WDR7: variants seen among roughly 807,000 people sequenced by gnomAD.
WDR7 encodes WD repeat-containing protein 7.
WDR7 carries 46 observed loss-of-function variants against 169.4 expected under a neutral mutation model. That is an observed-to-expected ratio of 0.27 (90% CI 0.21 to 0.35). WDR7 has a LOEUF of 0.35. WDR7 is among the 10% of genes least tolerant of loss of function. The probability of loss-of-function intolerance (pLI) is 1.00; values close to 1 mark genes in which losing one functional copy is unlikely to be tolerated. For synonymous variants in WDR7, 612 were observed against 666.8 expected, an observed-to-expected ratio of 0.92 and a Z score of 1.27; for missense variants, 1,534 against 1,859.3, an observed-to-expected ratio of 0.83 and a Z score of 3.22.
intron 25 of WDR7, among the ~76,000 whole-genome samples, chr18:56,953,312 A>G (rs1398739275): frequency 3.3e-5 from 5 of 152,240 alleles, no homozygotes; most frequent in Non-Finnish European, 7.3e-5. Flanking sequence ...TTATAACACT[A>G]TATGGTGTTT....
chr18:56,794,685 A>G (rs1443433641), intron 19 of WDR7, among the ~76,000 whole-genome samples: 2 of 152,164 alleles, frequency 1.3e-5, no homozygotes, highest in African/African-American at 2.4e-5. Flanking sequence ...ATTTGTTAAT[A>G]TTATTCAGTA....
At chr18:56,820,351 A>AAC (rs1483488637) in intron 20 of WDR7, among the ~76,000 whole-genome samples, 2 of 145,658 alleles carry the variant, frequency 1.4e-5, no homozygotes, top group Admixed American at 6.9e-5. Context: ...AAAAAAAAAA[A>AAC]AAAAAAAAAA....
chr18:57,026,803 T>C (rs1399759665), intron 27 of WDR7, among the ~76,000 whole-genome samples: 1 of 152,218 alleles, frequency 6.6e-6, no homozygotes, highest in African/African-American at 2.4e-5. Flanking sequence ...AAAATTCCTC[T>C]AGATTTCTGC....
intron 7 of WDR7, among the ~76,000 whole-genome samples, chr18:56,687,915 A>C (rs1041864533): frequency 2.6e-5 from 4 of 152,212 alleles, no homozygotes. Flanking sequence ...AGCATGAGCC[A>C]CCATTCCTGG....
intron 1 of WDR7, among the ~76,000 whole-genome samples, chr18:56,672,045 C>T (rs543630429): frequency 1.3e-5 from 2 of 152,258 alleles, no homozygotes; most frequent in African/African-American, 4.8e-5. Context: ...TTATGACTTG[C>T]TAGTTCTGTG....
chr18:56,804,823 C>G (rs1277234998), intron 19 of WDR7, among the ~76,000 whole-genome samples: 1 of 152,190 alleles, frequency 6.6e-6, no homozygotes, highest in Non-Finnish European at 1.5e-5. Context: ...AGGAACATCT[C>G]TTCATTTATT....
intron 25 of WDR7, among the ~76,000 whole-genome samples, chr18:56,958,470 T>C (rs1394738823): frequency 1.3e-5 from 2 of 152,216 alleles, no homozygotes; most frequent in African/African-American, 2.4e-5. Flanking sequence ...TCATTTTTTT[T>C]CCAGGACAAC....
chr18:56,964,594 G>GCAA (rs1479529631), intron 26 of WDR7, among the ~76,000 whole-genome samples: 5 of 151,960 alleles, frequency 3.3e-5, no homozygotes, highest in African/African-American at 1.2e-4. Flanking sequence ...CATCATGTTG[G>GCAA]CCAGGCTGAT....
intron 7 of WDR7, among the ~76,000 whole-genome samples, chr18:56,687,891 G>T (rs1416249639): frequency 6.6e-6 from 1 of 152,144 alleles, no homozygotes; most frequent in Non-Finnish European, 1.5e-5. Context: ...GCCCCCCAAA[G>T]TGCTGGGATT....
At chr18:56,825,231 A>G (rs1031893609) in intron 20 of WDR7, among the ~76,000 whole-genome samples, 6 of 152,230 alleles carry the variant, frequency 3.9e-5, no homozygotes, top group African/African-American at 1.4e-4. Context: ...ATTTTCCAGT[A>G]AGGGCACTTT....
intron 16 of WDR7, among the ~76,000 whole-genome samples, chr18:56,760,399 G>T (rs983438262): frequency 6.6e-6 from 1 of 151,920 alleles, no homozygotes; most frequent in African/African-American, 2.4e-5. Context: ...AAACTCTATT[G>T]TTTAATTTTG....
intron 18 of WDR7, 100 bp downstream of exon 18, chr18:56,779,649 A>C: frequency 4.5e-6 from 4 of 890,576 alleles, no homozygotes; most frequent in Non-Finnish European, 6.9e-6. Flanking sequence ...CTGATTTATC[A>C]TCTGTTCATT....
At chr18:56,999,347 A>T (rs1226827470) in intron 26 of WDR7, among the ~76,000 whole-genome samples, 4 of 152,200 alleles carry the variant, frequency 2.6e-5, no homozygotes. Context: ...GGGTGGAGAT[A>T]TTAGAGATAA....
At chr18:56,749,022 T>G (rs1165045783) in intron 14 of WDR7, among the ~76,000 whole-genome samples, 1 of 152,040 alleles carries the variant, frequency 6.6e-6, no homozygotes, top group Admixed American at 6.6e-5. Context: ...TGCATATTTT[T>G]TAGTAGATGA....
chr18:56,785,979 A>G (rs1392348046), intron 19 of WDR7, among the ~76,000 whole-genome samples: 2 of 151,948 alleles, frequency 1.3e-5, no homozygotes, highest in Non-Finnish European at 2.9e-5. Flanking sequence ...AGGACAGGAG[A>G]GCATGAAAAG....
intron 19 of WDR7, among the ~76,000 whole-genome samples, chr18:56,785,012 T>C (rs918480625): frequency 5.3e-5 from 8 of 152,186 alleles, no homozygotes; most frequent in African/African-American, 1.4e-4. Flanking sequence ...TTCTGGAACT[T>C]CTACATTGAC....
At chr18:56,844,055 G>A (rs565725151) in intron 20 of WDR7, among the ~76,000 whole-genome samples, 56 of 151,762 alleles carry the variant, frequency 3.7e-4, no homozygotes, top group African/African-American at 1.2e-3. Flanking sequence ...TAGAGATGGG[G>A]CTTCACCATG....
At chr18:56,662,198 G>A (rs913197732) in intron 1 of WDR7, among the ~76,000 whole-genome samples, 1 of 152,174 alleles carries the variant, frequency 6.6e-6, no homozygotes, top group African/African-American at 2.4e-5. Context: ...GCCTGCCTGG[G>A]ACACAAGAAG....
In WDR7 at chr18:56,682,835, C is replaced by T. The variant is rs2025375346; in HGVS notation, c.502C>T (p.Arg168Ter). The stretch of plus-strand genomic sequence containing the variant: ...CTGGATTAGCTCCATGAGTATTATT[C>T]GATCCCACCGAACACAAGGTCAGTG... ...PDWISSMSII[R>*]SHRTQEDTVV... Residue 168 changes from arginine to a stop codon, truncating the protein, a stop_gained, in exon 5 of 28, where the codon CGA (arginine) becomes TGA (stop). Coordinates refer to ENST00000254442, the MANE Select transcript of WDR7 (RefSeq NM_015285.3). LOFTEE classifies it high-confidence loss of function. The T allele has an allele frequency of 6.2e-7, 1 of 1,613,438 alleles. No homozygotes were observed. The highest frequency in any genetic ancestry group is 8.5e-7 in the Non-Finnish European group (1 of 1,179,626).
Sources: gnomAD v4.1 joint callset for allele counts (sites outside exome capture counted in the v4.1 genomes callset) on GRCh38, gnomAD v4.1.1 for gene constraint, MANE v1.5 for transcripts, NCBI Gene and HGNC (gene_info 2026-07-23, HGNC 2026-07-21) for gene names.